Variants in FARP1 observed in about 807,000 individuals in gnomAD.
The protein encoded by FARP1 is FERM, ARH/RhoGEF and pleckstrin domain protein 1.
In FARP1, 52 loss-of-function variants were observed where a neutral mutation model predicts 128.8. The observed-to-expected ratio is 0.40, with a 90% CI of 0.32 to 0.51. The LOEUF is 0.51. Among genes scored for constraint, FARP1 ranks in the 20% least tolerant of loss-of-function variants. FARP1 has a pLI of 0.45. For missense variants in FARP1, 1,333 were observed against 1,367.9 expected (o/e 0.97, Z 0.40); for synonymous variants, 580 against 551.8 (o/e 1.05, Z -0.72).
Position 98,446,083 on chromosome 13 carries a change from C to G in FARP1, c.2797-15C>G, listed in dbSNP as rs750761997. ...GGTGCCCGCTGTGCTTCTCACAGGC[C>G]TCCTTGCCTTTCAGAATCAGTTGTC... On this transcript the variant is annotated splice_polypyrimidine_tract_variant and intron_variant, in intron 24 of 26. Coordinates refer to ENST00000319562, the MANE Select transcript of FARP1 (RefSeq NM_005766.4). 6.3e-7 allele frequency: 1 copy of G among 1,588,978 alleles called. No homozygotes were observed. Among genetic ancestry groups the G allele is most frequent in the South Asian group, 1.1e-5 (1 of 90,498 alleles).
intron 1 of FARP1, among the ~76,000 whole-genome samples, chr13:98,210,008 T>G (rs1880577887): frequency 6.7e-6 from 1 of 150,340 alleles, no homozygotes; most frequent in South Asian, 2.1e-4. Flanking sequence ...ATCATAATAA[T>G]AATAGTAAAA....
At chr13:98,213,962 G>A (rs1190604182) in intron 2 of FARP1, among the ~76,000 whole-genome samples, 2 of 152,112 alleles carry the variant, frequency 1.3e-5, no homozygotes, top group East Asian at 1.9e-4. Flanking sequence ...TGGGAGTATC[G>A]AAAAGCCTCC....
chr13:98,424,827 G>A (rs557094583), intron 17 of FARP1, among the ~76,000 whole-genome samples, 177 bp downstream of exon 17: 1 of 151,964 alleles, frequency 6.6e-6, no homozygotes, highest in Non-Finnish European at 1.5e-5. Context: ...GGCTTTGAAT[G>A]TGGCCCAACA....
intron 2 of FARP1, among the ~76,000 whole-genome samples, chr13:98,228,772 C>T (rs1235894598): frequency 1.3e-5 from 2 of 152,084 alleles, no homozygotes; most frequent in Non-Finnish European, 2.9e-5. Context: ...GATTGGTTCA[C>T]CTCTTCTTGC....
intron 3 of FARP1, among the ~76,000 whole-genome samples, chr13:98,359,461 A>G (rs1888774885): frequency 6.6e-6 from 1 of 152,212 alleles, no homozygotes; most frequent in African/African-American, 2.4e-5. Context: ...GGGAAAAAGG[A>G]TGTTTTGAGA....
chr13:98,269,803 T>C (rs1294120067), intron 2 of FARP1, among the ~76,000 whole-genome samples: 1 of 152,188 alleles, frequency 6.6e-6, no homozygotes, highest in Non-Finnish European at 1.5e-5. Context: ...AAGAATAAAA[T>C]TCAGTTGTTA....
chr13:98,386,007 G>T, intron 8 of FARP1, 193 bp downstream of exon 8: 1 of 583,862 alleles, frequency 1.7e-6, no homozygotes, highest in South Asian at 2.2e-5. Flanking sequence ...ACTTACCTTT[G>T]CCCTGTTTGG....
intron 1 of FARP1, among the ~76,000 whole-genome samples, chr13:98,155,506 T>C (rs936931200): frequency 8.6e-5 from 13 of 151,950 alleles, no homozygotes; most frequent in Admixed American, 7.9e-4. Flanking sequence ...ACTGCTGTGG[T>C]TTTTTTAAGT....
At chr13:98,227,296 A>G (rs1881852276) in intron 2 of FARP1, among the ~76,000 whole-genome samples, 1 of 152,110 alleles carries the variant, frequency 6.6e-6, no homozygotes, top group Non-Finnish European at 1.5e-5. Flanking sequence ...TGTTCTTTAG[A>G]TGGATTAGTC....
intron 11 of FARP1, among the ~76,000 whole-genome samples, chr13:98,392,482 C>T (rs116191655): frequency 6.7e-6 from 1 of 148,928 alleles, no homozygotes; most frequent in African/African-American, 2.5e-5. Context: ...CTCTGGGCCA[C>T]AGAGCGAGAT....
intron 2 of FARP1, among the ~76,000 whole-genome samples, chr13:98,281,872 G>T (rs1316609422): frequency 6.6e-6 from 1 of 152,180 alleles, no homozygotes; most frequent in African/African-American, 2.4e-5. Context: ...TGGAGGGCAC[G>T]CATCTTACTG....
rs573244298 is a variant in FARP1, at chr13:98,241,460, C to G, written c.171+28047C>G. On this transcript the variant is annotated intron_variant, in intron 2 of 26. Coordinates refer to ENST00000319562, the MANE Select transcript of FARP1 (RefSeq NM_005766.4). Reference sequence around the variant, plus strand: ...CTCTGCAGGGTCGTGTCCTGCACATCTGGACTAGAATGCAAGCTTCTCTTT... The same window carrying G: ...CTCTGCAGGGTCGTGTCCTGCACATGTGGACTAGAATGCAAGCTTCTCTTT... Among the ~76,000 whole-genome samples, 6 of 152,298 alleles carry G rather than the reference C, an allele frequency of 3.9e-5. No individual in the cohort carries two copies. In the South Asian group the frequency reaches 1.2e-3, roughly 32 times the overall value.
At chr13:98,191,993 T>C (rs1286706301) in intron 1 of FARP1, among the ~76,000 whole-genome samples, 7 of 152,252 alleles carry the variant, frequency 4.6e-5, no homozygotes, top group Non-Finnish European at 1.0e-4. Context: ...AAAAATGACT[T>C]GTAGTCCCGA....
chr13:98,185,809 T>G (rs1878825843), intron 1 of FARP1, among the ~76,000 whole-genome samples: 6 of 152,148 alleles, frequency 3.9e-5, no homozygotes. Flanking sequence ...GCAGTTTTCC[T>G]GCCTCAGCCT....
chr13:98,309,688 A>G (rs1256968125), intron 2 of FARP1, among the ~76,000 whole-genome samples: 2 of 152,340 alleles, frequency 1.3e-5, no homozygotes, highest in African/African-American at 4.8e-5. Flanking sequence ...ATTTGGCAGA[A>G]CAAGGAAGGC....
intron 3 of FARP1, chr13:98,345,647 C>A (rs576351772): frequency 1.3e-5 from 2 of 151,388 alleles, no homozygotes; most frequent in South Asian, 4.3e-4. Flanking sequence ...CAAAAGCCGC[C>A]CCATGAGTGC....
At chr13:98,154,557 A>G (rs1391591015) in intron 1 of FARP1, among the ~76,000 whole-genome samples, 1 of 152,224 alleles carries the variant, frequency 6.6e-6, no homozygotes, top group Non-Finnish European at 1.5e-5. Flanking sequence ...CTCGAGGCCC[A>G]GAATGGAACA....
At chr13:98,310,167 C>T (rs760911930) in intron 2 of FARP1, among the ~76,000 whole-genome samples, 5 of 151,550 alleles carry the variant, frequency 3.3e-5, no homozygotes, top group Non-Finnish European at 5.9e-5. Flanking sequence ...CGATGACTTC[C>T]ACAGTGCAGC....
intron 2 of FARP1, among the ~76,000 whole-genome samples, chr13:98,261,895 T>A (rs1471564752): frequency 3.3e-5 from 5 of 152,066 alleles, no homozygotes; most frequent in African/African-American, 1.2e-4. Flanking sequence ...CTCACTAGGC[T>A]CCGTCTCCAA....
Sources: allele counts gnomAD v4.1 joint callset (sites outside exome capture counted in the v4.1 genomes callset), GRCh38; gene constraint gnomAD v4.1.1; transcripts MANE v1.5; gene names NCBI Gene and HGNC (gene_info 2026-07-23, HGNC 2026-07-21).